The following FAF1 variants were observed in gnomAD, a reference collection of about 807,000 sequenced individuals.
FAF1 encodes the protein Fas associated factor 1.
In FAF1, 25 loss-of-function variants were observed where a neutral mutation model predicts 92.5. That is an observed-to-expected ratio of 0.27 (90% CI 0.20 to 0.38). FAF1 has a LOEUF of 0.38. Ranked by LOEUF, FAF1 falls within the 10% of genes least tolerant of loss-of-function variation. The pLI is 1.00. For synonymous variants in FAF1, 234 were observed against 273.2 expected (o/e 0.86, Z 1.42); for missense variants, 636 against 793.3 (o/e 0.80, Z 2.38).
In FAF1 at chr1:50,744,741, C is replaced by T. The variant is rs771635677; in HGVS notation, c.402G>A (p.Gln134=). 24 of 1,610,200 alleles carry T rather than the reference C, an allele frequency of 1.5e-5. No homozygotes were observed. Among genetic ancestry groups the T allele is most frequent in the Admixed American group, 6.7e-5 (4 of 59,304 alleles). ...EIKQILENEL[Q]IPVSKMLLKG... The stretch of plus-strand genomic sequence containing the variant: ...TTAACAGCATTTTGGACACAGGTAT[C>T]TGAAGTTCATTTTCTAGAATCTGTT... Residue 134 remains glutamine (Q), a synonymous_variant, in exon 5 of 19, where the codon CAG becomes CAA. Transcript: ENST00000396153.
chr1:50,516,513 G>A (rs1270677729), intron 15 of FAF1, among the ~76,000 whole-genome samples: 4 of 152,276 alleles, frequency 2.6e-5, no homozygotes, highest in South Asian at 4.1e-4. Flanking sequence ...TACCAAGCAC[G>A]CATTTTACCA....
intron 9 of FAF1, among the ~76,000 whole-genome samples, chr1:50,587,030 C>G (rs915134606): frequency 3.3e-5 from 5 of 152,288 alleles, no homozygotes; most frequent in East Asian, 1.9e-4. Context: ...CTAGTACTCA[C>G]CCCCTCCTTT....
At chr1:50,450,073 A>G (rs1337124122) in intron 18 of FAF1, among the ~76,000 whole-genome samples, 4 of 151,734 alleles carry the variant, frequency 2.6e-5, no homozygotes, top group Non-Finnish European at 5.9e-5. Flanking sequence ...TGCACACTGT[A>G]ATCCCAGCTA....
chr1:50,936,543 A>C (rs2124749416), intron 1 of FAF1, among the ~76,000 whole-genome samples: 1 of 152,312 alleles, frequency 6.6e-6, no homozygotes, highest in Middle Eastern at 3.4e-3. Flanking sequence ...CTACAGCAGA[A>C]GGCATAGGGC....
rs1447055331 is a variant in FAF1 at position 50,536,304 on chromosome 1, G to A, written c.1406-847C>T. On this transcript the variant is annotated intron_variant, in intron 14 of 18. Coordinates refer to ENST00000396153, the MANE Select transcript of FAF1 (RefSeq NM_007051.3). The stretch of plus-strand genomic sequence containing the variant: ...CATTTAAGTCATTGTTATTTGCTTG[G>A]GATGTACCTACAAAAGAAAAATTCA... Among the ~76,000 whole-genome samples, 3 of 152,074 alleles carry A rather than the reference G, an allele frequency of 2.0e-5. No individual in the cohort carries two copies. In the East Asian group the frequency reaches 5.8e-4, roughly 29 times the overall value.
intron 15 of FAF1, among the ~76,000 whole-genome samples, chr1:50,494,941 G>A (rs1646881250): frequency 6.6e-6 from 1 of 152,068 alleles, no homozygotes; most frequent in Non-Finnish European, 1.5e-5. Context: ...TTGTTAAGAA[G>A]TGTTAGAATT....
intron 3 of FAF1, among the ~76,000 whole-genome samples, chr1:50,792,670 A>G (rs1046698286): frequency 6.6e-6 from 1 of 152,230 alleles, no homozygotes; most frequent in Non-Finnish European, 1.5e-5. Flanking sequence ...TACATCATCC[A>G]TGAGGTCCTG....
chr1:50,660,936 C>T (rs942884338), intron 7 of FAF1, among the ~76,000 whole-genome samples: 5 of 151,900 alleles, frequency 3.3e-5, no homozygotes, highest in African/African-American at 1.2e-4. Flanking sequence ...GTTATTATTT[C>T]GTGAAAATAC....
intron 1 of FAF1, among the ~76,000 whole-genome samples, chr1:50,896,500 A>G (rs1343642316): frequency 6.6e-6 from 1 of 152,234 alleles, no homozygotes; most frequent in Non-Finnish European, 1.5e-5. Context: ...AGCAATATTC[A>G]TAATAGCCAA....
chr1:50,642,287 T>C (rs72900932), intron 8 of FAF1, among the ~76,000 whole-genome samples: 10,072 of 152,140 alleles, frequency 0.066, 415 homozygotes, highest in East Asian at 0.093. Context: ...AGTGTTTGGA[T>C]GGCAAATATT....
intron 6 of FAF1, among the ~76,000 whole-genome samples, chr1:50,710,114 G>C (rs1010681244): frequency 6.6e-6 from 1 of 152,174 alleles, no homozygotes; most frequent in South Asian, 2.1e-4. Flanking sequence ...CGGAGTTCCA[G>C]AAGTCTTGAT....
At chr1:50,899,098 A>AAG (rs1644777042) in intron 1 of FAF1, among the ~76,000 whole-genome samples, 1 of 152,006 alleles carries the variant, frequency 6.6e-6, no homozygotes, top group South Asian at 2.1e-4. Flanking sequence ...ACTAGTATAC[A>AAG]AGTTCACTAG....
intron 4 of FAF1, among the ~76,000 whole-genome samples, chr1:50,758,627 C>A (rs1236174576): frequency 6.6e-6 from 1 of 152,148 alleles, no homozygotes; most frequent in Admixed American, 6.6e-5. Context: ...TCTGTATTAA[C>A]TTAATCTTCC....
chr1:50,454,634 G>C (rs1646331007), intron 18 of FAF1, among the ~76,000 whole-genome samples: 1 of 152,190 alleles, frequency 6.6e-6, no homozygotes, highest in Non-Finnish European at 1.5e-5. Flanking sequence ...CAGTTGCCAA[G>C]GTCTGCTGGC....
intron 2 of FAF1, among the ~76,000 whole-genome samples, chr1:50,839,155 A>G (rs886164080): frequency 1.3e-5 from 2 of 152,052 alleles, no homozygotes; most frequent in Admixed American, 6.6e-5. Flanking sequence ...TAATGACTGC[A>G]TATTTTGTTG....
rs889525174 is a variant in FAF1 at position 50,612,450 on chromosome 1, C to A, written c.745-16234G>T. The A allele has an allele frequency of 1.3e-5, 14 of 1,106,326 alleles. No individual in the cohort carries two copies. The African/African-American group carries it at 2.4e-4, about 19-fold the overall frequency. 68.5% of individuals were successfully genotyped at this position (1,106,326 alleles called of 1,614,324 possible). A position where few individuals can be genotyped will look rare whatever the true frequency, so the allele number is the denominator to read the frequency against. The stretch of plus-strand genomic sequence containing the variant: ...CAGTGGTCATTTCAGCTCATCATAA[C>A]CACAGAACCTTCAAATATGCAAGGA... On this transcript the variant is annotated intron_variant, in intron 8 of 18. Transcript: ENST00000396153.
At chr1:50,721,088 G>A (rs1304214403) in intron 6 of FAF1, among the ~76,000 whole-genome samples, 1 of 151,962 alleles carries the variant, frequency 6.6e-6, no homozygotes, top group Non-Finnish European at 1.5e-5. Flanking sequence ...GACCCCAGAG[G>A]GTGGAGGGAA....
At chr1:50,743,119 C>A (rs1271055949) in intron 5 of FAF1, among the ~76,000 whole-genome samples, 1 of 152,174 alleles carries the variant, frequency 6.6e-6, no homozygotes, top group African/African-American at 2.4e-5. Flanking sequence ...CTATCTGACT[C>A]TGTACAGAAA....
intron 8 of FAF1, among the ~76,000 whole-genome samples, chr1:50,621,758 T>C (rs549211596): frequency 6.6e-5 from 10 of 152,168 alleles, no homozygotes; most frequent in African/African-American, 2.4e-4. Context: ...TAGAGGAAGA[T>C]GAGGAGCCCT....
Sources: allele counts gnomAD v4.1 joint callset (sites outside exome capture counted in the v4.1 genomes callset), GRCh38; gene constraint gnomAD v4.1.1; transcripts MANE v1.5; gene names NCBI Gene and HGNC (gene_info 2026-07-23, HGNC 2026-07-21).